CAMK2B: variants seen among roughly 807,000 people sequenced by gnomAD.
CAMK2B encodes the protein calcium/calmodulin dependent protein kinase II beta, also known as calcium/calmodulin-dependent protein kinase type II subunit beta.
Under a neutral mutation model 93.7 loss-of-function variants are expected in CAMK2B, and 27 were observed. The observed-to-expected ratio is 0.29, with a 90% CI of 0.21 to 0.40. The LOEUF (loss-of-function observed/expected upper bound fraction) is 0.40, where lower values mean the gene tolerates loss of function less well. Ranked by LOEUF, CAMK2B falls within the 10% of genes least tolerant of loss-of-function variation. CAMK2B has a pLI of 1.00. For missense variants in CAMK2B, 568 were observed against 895.8 expected, an observed-to-expected ratio of 0.63 and a Z score of 4.67; for synonymous variants, 374 against 358.8, an observed-to-expected ratio of 1.04 and a Z score of -0.48.
chr7:44,275,500 T>C (rs149340202), intron 2 of CAMK2B, among the ~76,000 whole-genome samples: 1,914 of 152,342 alleles, frequency 0.013, 14 homozygotes, highest in South Asian at 0.02. Flanking sequence ...CAAAGTCCTG[T>C]CTCTTAACAG....
chr7:44,261,290 C>G (rs560428139), intron 3 of CAMK2B, among the ~76,000 whole-genome samples: 2 of 152,402 alleles, frequency 1.3e-5, no homozygotes, highest in East Asian at 3.9e-4. Flanking sequence ...GCTGCCCCAC[C>G]TGGGACATGC....
In CAMK2B at chr7:44,307,989, C is replaced by CA. The variant is rs1792388763; in HGVS notation, c.65+17367dup. ...AAGTGATCCTCCCACCTGGGCCTCCCAAAGCGCTGGGATTCCAGGCCTTTT... is the reference window on the plus strand; with the variant it reads ...AAGTGATCCTCCCACCTGGGCCTCCCAAAAGCGCTGGGATTCCAGGCCTTTT... On this transcript the variant is annotated intron_variant, in intron 1 of 23. Transcript: ENST00000395749. Among the ~76,000 whole-genome samples, 3 of 152,212 alleles carry CA rather than the reference C, an allele frequency of 2.0e-5. No homozygotes were observed. The South Asian group carries it at 6.2e-4, about 32-fold the overall frequency.
At chr7:44,299,148 C>T (rs1194603855) in intron 1 of CAMK2B, among the ~76,000 whole-genome samples, 1 of 152,142 alleles carries the variant, frequency 6.6e-6, no homozygotes. Context: ...CTCAAATGGC[C>T]ATTGACAGAA....
At chr7:44,244,655 A>G (rs1330059445) in intron 6 of CAMK2B, among the ~76,000 whole-genome samples, 2 of 151,728 alleles carry the variant, frequency 1.3e-5, no homozygotes, top group African/African-American at 2.4e-5. Flanking sequence ...CACTTTTAAC[A>G]CTGGTTGTAA....
chr7:44,260,434 A>G (rs1416023797), intron 3 of CAMK2B, among the ~76,000 whole-genome samples: 3 of 152,174 alleles, frequency 2.0e-5, no homozygotes, highest in African/African-American at 7.2e-5. Context: ...GCCCTCCACC[A>G]AGGGCAGGCC....
chr7:44,243,221 G>GCCCC, intron 8 of CAMK2B, 29 bp downstream of exon 8: 1 of 1,575,370 alleles, frequency 6.3e-7, no homozygotes, highest in East Asian at 2.2e-5. Flanking sequence ...CCGAGGCCCT[G>GCCCC]CCCCGCACCA....
At chr7:44,229,598 G>T in intron 17 of CAMK2B, 97 bp from the exon 18 acceptor site, 4 of 462,656 alleles carry the variant, frequency 8.6e-6, no homozygotes, top group Non-Finnish European at 1.1e-5. Flanking sequence ...GGGAGGGAGG[G>T]GGTGACAGCT....
At chr7:44,320,137 A>T (rs1322806961) in intron 1 of CAMK2B, among the ~76,000 whole-genome samples, 1 of 152,184 alleles carries the variant, frequency 6.6e-6, no homozygotes, top group Non-Finnish European at 1.5e-5. Context: ...TTTAATTAAT[A>T]AAATAAAAAT....
chr7:44,242,659 G>C lies in CAMK2B; in HGVS notation c.602-5C>G. 2 of 1,603,520 alleles carry C rather than the reference G, an allele frequency of 1.2e-6. No individual in the cohort carries two copies. The highest frequency in any genetic ancestry group is 1.1e-5 in the South Asian group (1 of 90,148). On this transcript the variant is annotated splice_region_variant and splice_polypyrimidine_tract_variant and intron_variant, in intron 8 of 23. Coordinates refer to ENST00000395749, the MANE Select transcript of CAMK2B (RefSeq NM_001220.5). Reference sequence around the variant, plus strand: ...GCAGGATGTACAGGATCACCCCTGCGGATGGGGCCTGTGAGCACCGCAGCC... The same window carrying C: ...GCAGGATGTACAGGATCACCCCTGCCGATGGGGCCTGTGAGCACCGCAGCC...
intron 13 of CAMK2B, among the ~76,000 whole-genome samples, chr7:44,236,324 A>G (rs1477580922): frequency 6.6e-6 from 1 of 152,208 alleles, no homozygotes; most frequent in African/African-American, 2.4e-5. Context: ...CCCCATGTGC[A>G]GTGGGCACAC....
chr7:44,276,118 G>A (rs2097034653), intron 2 of CAMK2B, among the ~76,000 whole-genome samples: 1 of 151,826 alleles, frequency 6.6e-6, no homozygotes, highest in African/African-American at 2.4e-5. Context: ...GAAGCCAGAG[G>A]GGAAAGAGGG....
chr7:44,244,855 C>T, intron 6 of CAMK2B: 1 of 447,970 alleles, frequency 2.2e-6, no homozygotes, highest in Non-Finnish European at 4.5e-6. Flanking sequence ...GACAAGGCAG[C>T]ATTGGGGGCT....
At chr7:44,232,371 G>A (rs1177819857) in intron 16 of CAMK2B, among the ~76,000 whole-genome samples, 3 of 152,232 alleles carry the variant, frequency 2.0e-5, no homozygotes. Context: ...TGATGCCAAT[G>A]TGATGGGAGC....
At chr7:44,313,351 A>G (rs1169210604) in intron 1 of CAMK2B, among the ~76,000 whole-genome samples, 2 of 152,098 alleles carry the variant, frequency 1.3e-5, no homozygotes, top group Admixed American at 1.3e-4. Flanking sequence ...TGAGGAAGGA[A>G]AAAGGGCACA....
intron 22 of CAMK2B, 39 bp from the exon 23 acceptor site, chr7:44,220,333 T>A: frequency 6.7e-7 from 1 of 1,490,030 alleles, no homozygotes; most frequent in Non-Finnish European, 9.3e-7. Context: ...CGGGTTACCA[T>A]GACTGCCCTG....
intron 13 of CAMK2B, 133 bp from the exon 14 acceptor site, chr7:44,234,809 G>A: frequency 1.1e-6 from 1 of 934,402 alleles, no homozygotes; most frequent in Non-Finnish European, 1.7e-6. Context: ...TGTGGTTCCA[G>A]CACCCAGGCT....
At chr7:44,280,400 G>A (rs1055859566) in intron 2 of CAMK2B, among the ~76,000 whole-genome samples, 2 of 152,162 alleles carry the variant, frequency 1.3e-5, no homozygotes, top group Admixed American at 6.5e-5. Context: ...TACCTCACAC[G>A]TATGGCCCTG....
intron 2 of CAMK2B, 123 bp from the exon 3 acceptor site, chr7:44,263,187 C>A: frequency 1.2e-6 from 1 of 852,768 alleles, no homozygotes; most frequent in Non-Finnish European, 1.8e-6. Context: ...GTGGTTGTGC[C>A]CCCACCAAGG....
intron 5 of CAMK2B, among the ~76,000 whole-genome samples, chr7:44,249,226 C>T (rs1286699343): frequency 6.6e-6 from 1 of 152,234 alleles, no homozygotes; most frequent in Non-Finnish European, 1.5e-5. Flanking sequence ...CTGTGTCCTG[C>T]CAAGGCCTGT....
Sources: gnomAD v4.1 joint callset for allele counts (sites outside exome capture counted in the v4.1 genomes callset) on GRCh38, gnomAD v4.1.1 for gene constraint, MANE v1.5 for transcripts, NCBI Gene and HGNC (gene_info 2026-07-23, HGNC 2026-07-21) for gene names.